SENP7: variants seen among roughly 807,000 people sequenced by gnomAD.
The protein encoded by SENP7 is sentrin-specific protease 7.
SENP7 carries 64 observed loss-of-function variants against 141.2 expected under a neutral mutation model. The ratio of observed to expected loss-of-function variants is 0.45; its 90% CI spans 0.37 to 0.56. The LOEUF (loss-of-function observed/expected upper bound fraction) is 0.56. Among genes scored for constraint, SENP7 ranks in the 20% least tolerant of loss-of-function variants. SENP7 has a pLI of 0.00. For synonymous variants in SENP7, 382 were observed against 426.4 expected (o/e 0.90, Z 1.28); for missense variants, 1,025 against 1,212.2 (o/e 0.85, Z 2.29).
At chr3:101,399,419 C>A (rs1007011862) in intron 5 of SENP7, among the ~76,000 whole-genome samples, 6 of 152,128 alleles carry the variant, frequency 3.9e-5, no homozygotes, top group African/African-American at 1.4e-4. Context: ...TTCAAGAAAT[C>A]TTTGTTCTTC....
intron 3 of SENP7, among the ~76,000 whole-genome samples, chr3:101,468,916 T>C (rs773262802): frequency 6.6e-6 from 1 of 151,990 alleles, no homozygotes; most frequent in Non-Finnish European, 1.5e-5. Flanking sequence ...GACTGGCAAA[T>C]TGGATAGAGT....
At position 101,422,405 on chromosome 3, in the gene SENP7, A is replaced by C. The variant is rs151334078; in HGVS notation, c.285-4615T>G. 6.0e-4 allele frequency among the ~76,000 whole-genome samples: 92 copies of C among 152,330 alleles called. No individual in the cohort carries two copies. In the East Asian group the frequency reaches 0.017, roughly 29 times the overall value. ...TGTTTTGTACCTCAGTGGTGGTTAA[A>C]ATCTACCTTATTAAAAATAGATTAA... On this transcript the variant is annotated intron_variant, in intron 4 of 23. Transcript: ENST00000394095.
chr3:101,347,018 A>C (rs2059478888), intron 13 of SENP7, among the ~76,000 whole-genome samples: 1 of 151,922 alleles, frequency 6.6e-6, no homozygotes, highest in South Asian at 2.1e-4. Context: ...AGGAAGGAGG[A>C]GGAAGAAAAT....
chr3:101,436,615 A>G (rs530237942), intron 4 of SENP7, among the ~76,000 whole-genome samples: 2 of 152,274 alleles, frequency 1.3e-5, no homozygotes, highest in South Asian at 4.1e-4. Context: ...TAGGCAAAAG[A>G]TTTGAATAGA....
intron 5 of SENP7, among the ~76,000 whole-genome samples, chr3:101,401,551 GA>G (rs573552556): frequency 1.3e-5 from 2 of 149,244 alleles, no homozygotes; most frequent in East Asian, 2.0e-4. Context: ...GAAAAAAAAG[GA>G]AAAAAAAGTG....
Position 101,457,826 on chromosome 3 carries a change from TGCAAGACGGCA to T in SENP7, c.284+1118_284+1128del. ...GAGATTAGGCGCACACATGCGGAGA[TGCAAGACGGCA>T]GCTAAAGGGGAATGATGTATGTTGT... On this transcript the variant is annotated intron_variant, in intron 4 of 23. Coordinates refer to ENST00000394095, the MANE Select transcript of SENP7 (RefSeq NM_020654.5). 5 of 573,164 alleles carry T rather than the reference TGCAAGACGGCA, an allele frequency of 8.7e-6. No individual in the cohort carries two copies. In the East Asian group the frequency reaches 1.4e-4, roughly 16 times the overall value. 35.5% of individuals were successfully genotyped at this position (573,164 alleles called of 1,614,324 possible).
At chr3:101,402,357 C>T (rs931530282) in intron 5 of SENP7, among the ~76,000 whole-genome samples, 1 of 152,116 alleles carries the variant, frequency 6.6e-6, no homozygotes, top group Admixed American at 6.5e-5. Flanking sequence ...AGCATGGTGG[C>T]TCATGCCTGT....
intron 4 of SENP7, among the ~76,000 whole-genome samples, chr3:101,435,262 C>T (rs1292753501): frequency 2.6e-5 from 4 of 151,898 alleles, no homozygotes; most frequent in African/African-American, 7.2e-5. Context: ...AAGGAACATG[C>T]CTCACATAAT....
intron 1 of SENP7, among the ~76,000 whole-genome samples, chr3:101,510,843 CAAA>C (rs377579284): frequency 2.6e-5 from 2 of 78,380 alleles, no homozygotes; most frequent in Non-Finnish European, 4.7e-5. Flanking sequence ...GACTCCATCT[CAAA>C]AAAAAAAAAA....
chr3:101,361,075 C>T (rs1194445194), intron 11 of SENP7, among the ~76,000 whole-genome samples: 3 of 152,014 alleles, frequency 2.0e-5, no homozygotes, highest in East Asian at 3.9e-4. Flanking sequence ...TGTGGTGCCA[C>T]GCACCTGTAG....
chr3:101,366,342 C>T, intron 9 of SENP7, 88 bp downstream of exon 9: 2 of 986,604 alleles, frequency 2.0e-6, no homozygotes, highest in Non-Finnish European at 3.0e-6. Context: ...CAGCTTATGG[C>T]CTTAGCCAAA....
chr3:101,368,696 C>G (rs541132254), intron 7 of SENP7, among the ~76,000 whole-genome samples: 1 of 151,664 alleles, frequency 6.6e-6, no homozygotes. Flanking sequence ...CTAACCTGCA[C>G]GTTGTGCACA....
chr3:101,405,248 G>A (rs2061265489), intron 5 of SENP7, among the ~76,000 whole-genome samples: 1 of 152,128 alleles, frequency 6.6e-6, no homozygotes, highest in Non-Finnish European at 1.5e-5. Context: ...GATGGTTCAG[G>A]TCACAAGACT....
chr3:101,466,526 A>G (rs777159863), intron 3 of SENP7, among the ~76,000 whole-genome samples: 3 of 152,212 alleles, frequency 2.0e-5, no homozygotes, highest in Non-Finnish European at 2.9e-5. Flanking sequence ...ATGAAGGACA[A>G]ATAACATCTT....
At chr3:101,337,347 G>C in intron 17 of SENP7, 162 bp downstream of exon 17, 1 of 432,988 alleles carries the variant, frequency 2.3e-6, no homozygotes, top group Non-Finnish European at 4.1e-6. Context: ...CAGCAAAACA[G>C]TGGAAGGATG....
At chr3:101,337,748 C>A in intron 16 of SENP7, 117 bp from the exon 17 acceptor site, 2 of 904,910 alleles carry the variant, frequency 2.2e-6, no homozygotes, top group East Asian at 3.1e-5. Flanking sequence ...TCAAAGCAAT[C>A]TTGCAGTTTC....
chr3:101,500,264 T>G (rs778956105), intron 2 of SENP7, among the ~76,000 whole-genome samples: 8 of 152,206 alleles, frequency 5.3e-5, no homozygotes, highest in Non-Finnish European at 1.2e-4. Context: ...GAAAAAAAAT[T>G]ATCTCTATAT....
intron 4 of SENP7, among the ~76,000 whole-genome samples, chr3:101,435,713 TA>T (rs2062361749): frequency 1.3e-5 from 2 of 151,914 alleles, no homozygotes; most frequent in African/African-American, 2.4e-5. Flanking sequence ...ACCTAGGAAT[TA>T]ACCAAAGAAG....
intron 4 of SENP7, among the ~76,000 whole-genome samples, chr3:101,420,472 T>G (rs1316744574): frequency 6.6e-6 from 1 of 152,240 alleles, no homozygotes; most frequent in Non-Finnish European, 1.5e-5. Flanking sequence ...GAAACACACG[T>G]TGTCTTACAG....
Sources: gnomAD v4.1 joint callset for allele counts (sites outside exome capture counted in the v4.1 genomes callset) on GRCh38, gnomAD v4.1.1 for gene constraint, MANE v1.5 for transcripts, NCBI Gene and HGNC (gene_info 2026-07-23, HGNC 2026-07-21) for gene names.